Variants in CCNB3 observed in about 807,000 individuals in gnomAD.
The protein encoded by CCNB3 is cyclin B3.
CCNB3 carries 12 observed loss-of-function variants against 68.0 expected under a neutral mutation model. The observed-to-expected ratio is 0.18, with a 90% CI of 0.11 to 0.29. The LOEUF is 0.29. Ranked by LOEUF, CCNB3 falls within the 10% of genes least tolerant of loss-of-function variation. The probability of loss-of-function intolerance (pLI) is 1.00; values close to 1 mark genes in which losing one functional copy is unlikely to be tolerated. For synonymous variants in CCNB3, 354 were observed against 388.9 expected, an observed-to-expected ratio of 0.91 and a Z score of 1.06; for missense variants, 904 against 993.1, an observed-to-expected ratio of 0.91 and a Z score of 1.21.
intron 1 of CCNB3, among the ~76,000 whole-genome samples, chrX:50,226,413 A>AAT (rs1211128226): frequency 0.092 from 5,226 of 56,590 alleles, 802 homozygotes; most frequent in African/African-American, 0.37. Context: ...ATATATATAG[A>AAT]ATATATATGT....
At position 50,311,600 on chromosome X, in the gene CCNB3, G is replaced by T. The variant is rs112309206; in HGVS notation, c.3327+104G>T. 5.5e-3 allele frequency: 3,451 copies of T among 630,523 alleles called. 91 individuals are homozygous for T. In the African/African-American group the frequency reaches 0.076, roughly 14 times the overall value. The allele number at this position is 630,523 out of a possible 1,213,427, so 52.0% of individuals were successfully genotyped here. A position where few individuals can be genotyped will look rare whatever the true frequency, so the allele number is the denominator to read the frequency against. On this transcript the variant is annotated intron_variant, in intron 6 of 12. Transcript: ENST00000376042. ...TTTTTTTTTGTTTTTGTTTTTTGTTGTTGTTGTTGTTTTTTTGCCTTCCTA... is the reference window on the plus strand; with the variant it reads ...TTTTTTTTTGTTTTTGTTTTTTGTTTTTGTTGTTGTTTTTTTGCCTTCCTA...
chrX:50,279,121 A>C (rs1936013304), intron 1 of CCNB3, among the ~76,000 whole-genome samples: 1 of 62,429 alleles, frequency 1.6e-5, no homozygotes, highest in Non-Finnish European at 2.6e-5. Context: ...AAATATATAG[A>C]ATATATTATA....
In CCNB3 at chrX:50,309,397, G is replaced by A. The variant is rs781790506; in HGVS notation, c.1228G>A (p.Glu410Lys). The A allele has an allele frequency of 8.3e-7, 1 of 1,211,763 alleles. No homozygotes were observed. ...PLVLQEITSGEKSLIMKPLSI... is the reference protein window; with the variant it reads ...PLVLQEITSGKKSLIMKPLSI... ...AGTATTGCAGGAGATCACCTCTGGA[G>A]AGAAGTCGCTCATTATGAAGCCATT... The change falls in exon 6 of 13, where the codon GAG becomes AAG. Residue 410 changes from glutamate (E) to lysine (K), a missense_variant. Glu to Lys is a moderately conservative substitution (Grantham distance 56). Around this residue, in one of 2 missense-constraint regions of CCNB3, gnomAD observed 619 missense variants for 609.8 expected, o/e 1.02. Transcript: ENST00000376042.
At chrX:50,203,347 C>T (rs1207499200), upstream of CCNB3, among the ~76,000 whole-genome samples, 1 of 112,343 alleles carries the variant, frequency 8.9e-6, no homozygotes, top group African/African-American at 3.2e-5. Flanking sequence ...TTCATGAAAT[C>T]ACTGTCTGTC....
chrX:50,297,877 T>G (rs1936514260), intron 5 of CCNB3, among the ~76,000 whole-genome samples: 2 of 111,720 alleles, frequency 1.8e-5, no homozygotes, highest in African/African-American at 6.5e-5. Flanking sequence ...CTAGGTATTT[T>G]ATTCTCTTTG....
At chrX:50,212,480 CTAT>C (rs1328328789) in intron 1 of CCNB3, among the ~76,000 whole-genome samples, 1 of 111,796 alleles carries the variant, frequency 8.9e-6, no homozygotes, top group Non-Finnish European at 1.9e-5. Flanking sequence ...TTATTAGCTA[CTAT>C]GTTATTTTTT....
intron 8 of CCNB3, among the ~76,000 whole-genome samples, chrX:50,337,560 T>C (rs1259261760): frequency 9.0e-6 from 1 of 111,383 alleles, no homozygotes; most frequent in East Asian, 2.8e-4. Flanking sequence ...TTCCTTCTGA[T>C]GGCCAACCCA....
chrX:50,338,905 C>T (rs1400308974), intron 8 of CCNB3, among the ~76,000 whole-genome samples: 2 of 112,257 alleles, frequency 1.8e-5, no homozygotes, highest in African/African-American at 6.5e-5. Context: ...CCTCATCTTC[C>T]TCTCTTCTTC....
At chrX:50,227,824 T>G (rs1389348272) in intron 1 of CCNB3, among the ~76,000 whole-genome samples, 3 of 83,604 alleles carry the variant, frequency 3.6e-5, no homozygotes, top group African/African-American at 1.4e-4. Context: ...ATATAGAGAA[T>G]ATATAAATAT....
chrX:50,279,456 A>G (rs1361850993), intron 1 of CCNB3, among the ~76,000 whole-genome samples: 1 of 81,423 alleles, frequency 1.2e-5, no homozygotes, highest in Non-Finnish European at 2.2e-5. Flanking sequence ...ATATATAAAT[A>G]TATATAAATA....
chrX:50,204,272 A>G (rs1274219015), upstream of CCNB3, among the ~76,000 whole-genome samples: 1 of 111,705 alleles, frequency 9.0e-6, no homozygotes, highest in Non-Finnish European at 1.9e-5. Context: ...TAATTGTCAC[A>G]CTTTGGCGTG....
chrX:50,341,158 G>A (rs1031669084), intron 8 of CCNB3, among the ~76,000 whole-genome samples: 14 of 108,942 alleles, frequency 1.3e-4, no homozygotes, highest in Non-Finnish European at 2.3e-4. Context: ...TGAAACCCCC[G>A]TCTCTACTAA....
intron 3 of CCNB3, among the ~76,000 whole-genome samples, chrX:50,285,990 G>A (rs1305524906): frequency 8.9e-6 from 1 of 111,902 alleles, no homozygotes; most frequent in Non-Finnish European, 1.9e-5. Context: ...TTTCGGATTA[G>A]TGTTCTGCCA....
At chrX:50,300,948 G>A (rs897695757) in intron 5 of CCNB3, among the ~76,000 whole-genome samples, 15 of 111,403 alleles carry the variant, frequency 1.3e-4, no homozygotes, top group East Asian at 2.8e-4. Context: ...TTGTGCATTC[G>A]TCACGTAGTT....
intron 5 of CCNB3, among the ~76,000 whole-genome samples, chrX:50,305,719 C>T (rs1470032435): frequency 3.7e-5 from 4 of 108,276 alleles, no homozygotes; most frequent in African/African-American, 1.3e-4. Context: ...GTACAAATTG[C>T]CTTGGATCTG....
intron 8 of CCNB3, among the ~76,000 whole-genome samples, chrX:50,337,271 G>A (rs193079067): frequency 2.6e-4 from 29 of 110,526 alleles, no homozygotes; most frequent in Admixed American, 1.9e-3. Context: ...CCTTCCTCTC[G>A]ATAAGGAGGA....
chrX:50,344,460 T>C (rs1256663534), intron 9 of CCNB3, among the ~76,000 whole-genome samples: 1 of 112,657 alleles, frequency 8.9e-6, no homozygotes, highest in African/African-American at 3.2e-5. Context: ...GCAGAGAAGC[T>C]GGTGTTGGTT....
intron 8 of CCNB3, among the ~76,000 whole-genome samples, chrX:50,334,199 A>G (rs1922738279): frequency 8.9e-6 from 1 of 112,277 alleles, no homozygotes; most frequent in South Asian, 3.7e-4. Flanking sequence ...CCGTCCATGT[A>G]TAACTCCCAG....
chrX:50,298,823 C>T (rs1016888377), intron 5 of CCNB3, among the ~76,000 whole-genome samples: 1 of 111,623 alleles, frequency 9.0e-6, no homozygotes, highest in Non-Finnish European at 1.9e-5. Flanking sequence ...TGTTATTTGT[C>T]TATTCAGAGA....
Sources: allele counts gnomAD v4.1 joint callset (sites outside exome capture counted in the v4.1 genomes callset), GRCh38; gene constraint gnomAD v4.1.1; regional missense constraint gnomAD v4.1.1; transcripts MANE v1.5; gene names NCBI Gene and HGNC (gene_info 2026-07-23, HGNC 2026-07-21).